MINDY2: variants seen among roughly 807,000 people sequenced by gnomAD.
MINDY2 encodes the protein MINDY lysine 48 deubiquitinase 2, also known as ubiquitin carboxyl-terminal hydrolase MINDY-2.
Under a neutral mutation model 68.2 loss-of-function variants are expected in MINDY2, and 52 were observed. That is an observed-to-expected ratio of 0.76 (90% confidence interval 0.61 to 0.96). MINDY2 has a LOEUF of 0.96. MINDY2 is among the 40% of genes least tolerant of loss of function. MINDY2 has a pLI of 0.00. For missense variants in MINDY2, 881 were observed against 773.4 expected (o/e 1.14, Z -1.65); for synonymous variants, 372 against 303.0 (o/e 1.23, Z -2.36).
At chr15:58,850,609 A>G (rs2032764993) in intron 7 of MINDY2, among the ~76,000 whole-genome samples, 1 of 152,178 alleles carries the variant, frequency 6.6e-6, no homozygotes, top group African/African-American at 2.4e-5. Flanking sequence ...TATATATGAA[A>G]CAGGGTCTCA....
chr15:58,851,978 G>A lies in MINDY2; in HGVS notation c.1737+13G>A, dbSNP rs375392715. 2.9e-5 allele frequency: 46 copies of A among 1,562,958 alleles called. No homozygotes were observed. The highest frequency in any genetic ancestry group is 3.5e-5 in the Non-Finnish European group (41 of 1,160,902). ...TACACAGGCTCAGGTAAAAACTAGT[G>A]TTTTGAGTCTTAAATGTGATGATCA... is the stretch of plus-strand genomic sequence containing the variant. On this transcript the variant is annotated intron_variant, in intron 8 of 8. Transcript: ENST00000559228.
intron 6 of MINDY2, among the ~76,000 whole-genome samples, chr15:58,844,475 C>T (rs1320917713): frequency 6.7e-6 from 1 of 150,232 alleles, no homozygotes; most frequent in South Asian, 2.1e-4. Flanking sequence ...TGGGGTGAAC[C>T]CAGGAGGCGG....
At chr15:58,772,327 C>G (rs1315046880) in intron 1 of MINDY2, 92 bp downstream of exon 1, 22 of 1,544,258 alleles carry the variant, frequency 1.4e-5, no homozygotes, top group Non-Finnish European at 1.8e-5. Context: ...GGCTTCCTTT[C>G]TTTCCTCATT....
intron 1 of MINDY2, among the ~76,000 whole-genome samples, chr15:58,775,524 G>T (rs1260155435): frequency 6.6e-6 from 1 of 152,216 alleles, no homozygotes; most frequent in African/African-American, 2.4e-5. Flanking sequence ...TAAGATTGTA[G>T]TGAGTGTAGC....
intron 2 of MINDY2, among the ~76,000 whole-genome samples, chr15:58,791,311 G>A (rs1253685093): frequency 7.0e-5 from 10 of 143,354 alleles, no homozygotes; most frequent in Admixed American, 6.7e-4. Flanking sequence ...TTTCTGTAAT[G>A]ATAGAAATGT....
At chr15:58,777,037 G>A (rs1306573524) in intron 1 of MINDY2, among the ~76,000 whole-genome samples, 1 of 152,192 alleles carries the variant, frequency 6.6e-6, no homozygotes, top group African/African-American at 2.4e-5. Context: ...GCATTTTAAA[G>A]GAGAATCTCA....
At chr15:58,845,372 C>A (rs2032481920) in intron 6 of MINDY2, among the ~76,000 whole-genome samples, 1 of 152,174 alleles carries the variant, frequency 6.6e-6, no homozygotes, top group African/African-American at 2.4e-5. Flanking sequence ...CACCACTGAA[C>A]TCCAGCCTGG....
intron 5 of MINDY2, among the ~76,000 whole-genome samples, chr15:58,826,806 C>T (rs1459107614): frequency 6.6e-6 from 1 of 152,046 alleles, no homozygotes; most frequent in Non-Finnish European, 1.5e-5. Flanking sequence ...GTTGTCACAT[C>T]TCTTTAGTCT....
At chr15:58,809,410 C>CTT (rs145256093) in intron 3 of MINDY2, among the ~76,000 whole-genome samples, 6,586 of 151,780 alleles carry the variant, frequency 0.043, 186 homozygotes, top group African/African-American at 0.083. Context: ...GGATTTCTTT[C>CTT]TTTTTTTTAA....
chr15:58,805,747 A>T (rs565185256), intron 3 of MINDY2, among the ~76,000 whole-genome samples: 1 of 149,592 alleles, frequency 6.7e-6, no homozygotes, highest in Non-Finnish European at 1.5e-5. Context: ...TTTTAAAATA[A>T]GTTTGTTTGG....
At chr15:58,851,709 T>C in intron 7 of MINDY2, 62 bp from the exon 8 acceptor site, 1 of 1,245,162 alleles carries the variant, frequency 8.0e-7, no homozygotes, top group Admixed American at 2.6e-5. Flanking sequence ...CGTTTGTATT[T>C]GCAGTCATTC....
intron 7 of MINDY2, among the ~76,000 whole-genome samples, chr15:58,848,607 A>G (rs1202880169): frequency 6.6e-6 from 1 of 152,058 alleles, no homozygotes; most frequent in East Asian, 1.9e-4. Context: ...TTATCCGGGC[A>G]TGGTGGCGGG....
chr15:58,809,081 A>T (rs962096909), intron 3 of MINDY2, among the ~76,000 whole-genome samples: 2 of 152,146 alleles, frequency 1.3e-5, no homozygotes. Flanking sequence ...GCATGTTAGC[A>T]TATACCTGTA....
intron 2 of MINDY2, among the ~76,000 whole-genome samples, chr15:58,792,434 C>A (rs28470867): frequency 6.6e-6 from 1 of 152,094 alleles, no homozygotes; most frequent in African/African-American, 2.4e-5. Flanking sequence ...GGTAAAACCC[C>A]GTCTCTACTA....
intron 8 of MINDY2, among the ~76,000 whole-genome samples, chr15:58,852,556 C>G (rs997513211): frequency 3.3e-5 from 5 of 152,166 alleles, no homozygotes; most frequent in Admixed American, 1.3e-4. Flanking sequence ...GTATGAGGTA[C>G]TACTAGAAAA....
At position 58,780,402 on chromosome 15, in the gene MINDY2, C is replaced by CA. The variant is rs1339111068; in HGVS notation, c.841-7492dup. Among the ~76,000 whole-genome samples, 793 of 128,792 alleles carry CA rather than the reference C, an allele frequency of 6.2e-3. 2 individuals are homozygous for CA. Among genetic ancestry groups the CA allele is most frequent in the Non-Finnish European group, 9.8e-3 (584 of 59,786 alleles). 84.5% of individuals were successfully genotyped at this position (128,792 alleles called of 152,430 possible). ...GGGCAACAAGAGCGAAACTCCATCT[C>CA]AAAAAAAAAAAAGAAAGAAAATTGA... On this transcript the variant is annotated intron_variant, in intron 1 of 8. Transcript: ENST00000559228.
At chr15:58,840,361 T>C (rs1323969993) in intron 6 of MINDY2, among the ~76,000 whole-genome samples, 1 of 152,140 alleles carries the variant, frequency 6.6e-6, no homozygotes, top group Non-Finnish European at 1.5e-5. Flanking sequence ...GGTTTACTGT[T>C]GCTAAATTCT....
chr15:58,834,240 A>T (rs1448439709), intron 6 of MINDY2, among the ~76,000 whole-genome samples: 1 of 152,142 alleles, frequency 6.6e-6, no homozygotes, highest in Admixed American at 6.6e-5. Context: ...GGAGTCTCCT[A>T]TGTCTACTTT....
chr15:58,848,347 C>T (rs1328850149), intron 7 of MINDY2, among the ~76,000 whole-genome samples: 1 of 152,182 alleles, frequency 6.6e-6, no homozygotes, highest in Non-Finnish European at 1.5e-5. Context: ...TCATTGAGTC[C>T]TGTCCTTAAA....
Sources: gnomAD v4.1 joint callset for allele counts (sites outside exome capture counted in the v4.1 genomes callset) on GRCh38, gnomAD v4.1.1 for gene constraint, MANE v1.5 for transcripts, NCBI Gene and HGNC (gene_info 2026-07-23, HGNC 2026-07-21) for gene names.